The following FTO variants were observed in gnomAD, a reference collection of about 807,000 sequenced individuals.
FTO encodes the protein FTO alpha-ketoglutarate dependent dioxygenase.
FTO carries 47 observed loss-of-function variants against 63.9 expected under a neutral mutation model. The observed-to-expected ratio is 0.74, with a 90% CI of 0.58 to 0.94. The LOEUF (loss-of-function observed/expected upper bound fraction) is 0.94. Ranked by LOEUF, FTO falls within the 40% of genes least tolerant of loss-of-function variation. The probability of loss-of-function intolerance (pLI) is 0.00; values close to 1 mark genes in which losing one functional copy is unlikely to be tolerated. For synonymous variants in FTO, 207 were observed against 224.4 expected, an observed-to-expected ratio of 0.92 and a Z score of 0.69; for missense variants, 562 against 618.1, an observed-to-expected ratio of 0.91 and a Z score of 0.96.
intron 8 of FTO, among the ~76,000 whole-genome samples, chr16:54,082,794 G>C (rs558220095): frequency 1.3e-5 from 2 of 152,262 alleles, no homozygotes; most frequent in East Asian, 3.9e-4. Context: ...GGTTGCAACT[G>C]ACCCGCCATG....
intron 8 of FTO, among the ~76,000 whole-genome samples, chr16:54,092,426 G>C (rs997058202): frequency 6.6e-6 from 1 of 152,168 alleles, no homozygotes; most frequent in Non-Finnish European, 1.5e-5. Flanking sequence ...TTAAACTGAG[G>C]GGGGTAGGAG....
intron 1 of FTO, among the ~76,000 whole-genome samples, chr16:53,782,035 A>G (rs556894796): frequency 1.3e-5 from 2 of 152,212 alleles, no homozygotes; most frequent in African/African-American, 4.8e-5. Flanking sequence ...GACCCTTTTG[A>G]GAATCTGATG....
At chr16:53,870,749 A>G (rs915874985) in intron 4 of FTO, among the ~76,000 whole-genome samples, 3 of 152,278 alleles carry the variant, frequency 2.0e-5, no homozygotes, top group Admixed American at 6.5e-5. Flanking sequence ...TTATTCTTTC[A>G]TGATATTTGT....
intron 1 of FTO, among the ~76,000 whole-genome samples, chr16:53,720,038 T>C (rs2076000683): frequency 6.6e-6 from 1 of 152,124 alleles, no homozygotes; most frequent in Non-Finnish European, 1.5e-5. Context: ...CCATTCCCCT[T>C]TCACTCCACA....
chr16:54,030,704 A>G (rs1416466229), intron 8 of FTO, among the ~76,000 whole-genome samples: 3 of 152,214 alleles, frequency 2.0e-5, no homozygotes, highest in African/African-American at 4.8e-5. Flanking sequence ...CATCTAAGAC[A>G]TAAACCCTAT....
rs1157723701 is a variant in FTO, at chr16:54,119,209, C to T, written c.*7294C>T. On this transcript the variant is annotated 3_prime_UTR_variant, in exon 9 of 9. Transcript: ENST00000471389. Reference sequence around the variant, plus strand: ...AATAATCTTGGAGCCTCCAGACACACGGATGGAGGAGCATGATTTCATTTG... The same window carrying T: ...AATAATCTTGGAGCCTCCAGACACATGGATGGAGGAGCATGATTTCATTTG... The T allele has an allele frequency of 4.6e-5, 7 of 152,204 alleles. No individual in the cohort carries two copies. Among genetic ancestry groups the T allele is most frequent in the South Asian group, 4.1e-4 (2 of 4,822 alleles). 9.4% of individuals were successfully genotyped at this position (152,204 alleles called of 1,614,324 possible).
intron 7 of FTO, among the ~76,000 whole-genome samples, chr16:53,931,902 ACACACG>A (rs1301013558): frequency 4.0e-5 from 6 of 151,796 alleles, no homozygotes; most frequent in Non-Finnish European, 5.9e-5. Flanking sequence ...ACACACACAC[ACACACG>A]CACATACCAG....
At chr16:54,026,897 G>A (rs370149445) in intron 8 of FTO, among the ~76,000 whole-genome samples, 2 of 152,094 alleles carry the variant, frequency 1.3e-5, no homozygotes, top group Non-Finnish European at 2.9e-5. Flanking sequence ...GCAATGCAAC[G>A]CACAATCAAT....
chr16:53,851,812 G>T (rs2079806204), intron 4 of FTO, among the ~76,000 whole-genome samples: 1 of 151,884 alleles, frequency 6.6e-6, no homozygotes, highest in South Asian at 2.1e-4. Flanking sequence ...AAAATTGAAA[G>T]ATTTAAAATG....
At chr16:53,750,318 A>G (rs982363338) in intron 1 of FTO, among the ~76,000 whole-genome samples, 4 of 151,660 alleles carry the variant, frequency 2.6e-5, no homozygotes, top group Non-Finnish European at 5.9e-5. Context: ...GCTCACTGCA[A>G]CCTCTGCCTC....
chr16:54,030,972 G>A (rs1424836595), intron 8 of FTO, among the ~76,000 whole-genome samples: 1 of 152,138 alleles, frequency 6.6e-6, no homozygotes, highest in East Asian at 1.9e-4. Flanking sequence ...CCATAAGAAT[G>A]CCTTTCAATT....
At chr16:53,944,841 A>G (rs2082618838) in intron 8 of FTO, among the ~76,000 whole-genome samples, 1 of 152,238 alleles carries the variant, frequency 6.6e-6, no homozygotes, top group African/African-American at 2.4e-5. Context: ...AAAGCCAGGA[A>G]TAAACCCAGC....
intron 4 of FTO, among the ~76,000 whole-genome samples, chr16:53,870,078 CTTCTCATTTTCTTTT>C (rs1488083663): frequency 2.0e-5 from 3 of 152,060 alleles, no homozygotes; most frequent in Admixed American, 1.3e-4. Context: ...CTCACAAGTG[CTTCTCATTTTCTTTT>C]TTCTCATTCT....
At chr16:53,763,874 C>T (rs1264148406) in intron 1 of FTO, among the ~76,000 whole-genome samples, 1 of 152,116 alleles carries the variant, frequency 6.6e-6, no homozygotes, top group Non-Finnish European at 1.5e-5. Context: ...GTTGAAACAG[C>T]AGGGGCAAGA....
chr16:54,064,857 T>G (rs2085681559), intron 8 of FTO, among the ~76,000 whole-genome samples: 1 of 152,152 alleles, frequency 6.6e-6, no homozygotes, highest in South Asian at 2.1e-4. Context: ...CTCAGTTGGC[T>G]GAAGGGAGCT....
At chr16:53,805,877 C>G (rs1457223321) in intron 1 of FTO, among the ~76,000 whole-genome samples, 3 of 152,210 alleles carry the variant, frequency 2.0e-5, no homozygotes, top group African/African-American at 4.8e-5. Context: ...GCTTCACGCT[C>G]TCTCTGGCTC....
At position 54,111,993 on chromosome 16, in the gene FTO, G is replaced by C. The variant is rs1397588632; in HGVS notation, c.*78G>C. The stretch of plus-strand genomic sequence containing the variant: ...AACGTTGTCATGGGCTTAAGCAAGA[G>C]CAGTGGAGACTTCTCTTGGCCCCTA... On this transcript the variant is annotated 3_prime_UTR_variant, in exon 9 of 9. Coordinates refer to ENST00000471389, the MANE Select transcript of FTO (RefSeq NM_001080432.3). 37 of 1,530,492 alleles carry C rather than the reference G, an allele frequency of 2.4e-5. No individual in the cohort carries two copies. The highest frequency in any genetic ancestry group is 3.3e-5 in the Non-Finnish European group (36 of 1,106,708). The allele number at this position is 1,530,492 out of a possible 1,614,324, so 94.8% of individuals were successfully genotyped here.
chr16:54,084,491 C>T lies in FTO; in HGVS notation c.1365-27271C>T, dbSNP rs1217637528. ...TTGGATGAGTTAGGTTCTGTATTGC[C>T]CCACATGACCTTTTACAGACATGGG... is the stretch of plus-strand genomic sequence containing the variant. On this transcript the variant is annotated intron_variant, in intron 8 of 8. Transcript: ENST00000471389. 3.3e-5 allele frequency among the ~76,000 whole-genome samples: 5 copies of T among 152,262 alleles called. No individual in the cohort carries two copies. In the East Asian group the frequency reaches 9.7e-4, roughly 29 times the overall value.
chr16:53,870,042 T>C (rs1008843656), intron 4 of FTO, among the ~76,000 whole-genome samples: 2 of 152,116 alleles, frequency 1.3e-5, no homozygotes, highest in African/African-American at 4.8e-5. Context: ...AGTCTTTTAG[T>C]GAGTTTATGC....
Sources: gnomAD v4.1 joint callset for allele counts (sites outside exome capture counted in the v4.1 genomes callset) on GRCh38, gnomAD v4.1.1 for gene constraint, MANE v1.5 for transcripts, NCBI Gene and HGNC (gene_info 2026-07-23, HGNC 2026-07-21) for gene names.